The following PHIP variants were observed in gnomAD, a reference collection of about 807,000 sequenced individuals.
PHIP encodes PH-interacting protein.
In PHIP, 54 loss-of-function variants were observed where a neutral mutation model predicts 236.8. The observed-to-expected ratio is 0.23, with a 90% CI of 0.18 to 0.29. The LOEUF (loss-of-function observed/expected upper bound fraction) is 0.29. Ranked by LOEUF, PHIP falls within the 10% of genes least tolerant of loss-of-function variation. The pLI is 1.00. For synonymous variants in PHIP, 756 were observed against 718.9 expected (o/e 1.05, Z -0.83); for missense variants, 1,370 against 2,190.8 (o/e 0.63, Z 7.48).
At chr6:79,077,575 GCCCCGCGCCCCGGCGGGGA>G (rs1464294031) in intron 3 of PHIP, 68 bp from the exon 4 acceptor site, 11 of 625,340 alleles carry the variant, frequency 1.8e-5, no homozygotes, top group Admixed American at 1.1e-4. Flanking sequence ...TCCCCCGCCC[GCCCCGCGCCCCGGCGGGGA>G]CCCCGAGCCC....
At chr6:78,975,822 G>A (rs1768012929) in intron 24 of PHIP, among the ~76,000 whole-genome samples, 1 of 149,984 alleles carries the variant, frequency 6.7e-6, no homozygotes, top group Admixed American at 6.6e-5. Flanking sequence ...TACAAGGGAT[G>A]TGAAGGACCT....
At chr6:78,945,531 G>C (rs1324667512) in intron 38 of PHIP, 34 bp from the exon 39 acceptor site, 1 of 1,316,970 alleles carries the variant, frequency 7.6e-7, no homozygotes, top group Non-Finnish European at 1.1e-6. Flanking sequence ...AAAATTAAGA[G>C]TTATTGAACC....
At chr6:79,039,653 T>C (rs775753732) in intron 7 of PHIP, among the ~76,000 whole-genome samples, 2 of 152,168 alleles carry the variant, frequency 1.3e-5, no homozygotes, top group Non-Finnish European at 2.9e-5. Context: ...TTCTTTATTA[T>C]ACCATATTAA....
intron 32 of PHIP, chr6:78,958,264 A>T (rs1159149629): frequency 2.6e-6 from 1 of 390,788 alleles, no homozygotes; most frequent in Non-Finnish European, 4.6e-6. Flanking sequence ...TTATGATTTC[A>T]TTCTTATTAT....
At chr6:78,996,138 GTAAAT>G (rs1163512891) in intron 19 of PHIP, among the ~76,000 whole-genome samples, 1 of 152,166 alleles carries the variant, frequency 6.6e-6, no homozygotes, top group East Asian at 1.9e-4. Context: ...CAGAGGAGGA[GTAAAT>G]TAGTCAACTG....
intron 7 of PHIP, among the ~76,000 whole-genome samples, chr6:79,036,830 AG>A (rs1294071611): frequency 6.7e-6 from 1 of 149,656 alleles, no homozygotes; most frequent in African/African-American, 2.5e-5. Context: ...CTGAGGCAGA[AG>A]AATGGCATGA....
chr6:78,970,745 T>C (rs376464227), intron 25 of PHIP, 36 bp downstream of exon 25: 101 of 1,311,460 alleles, frequency 7.7e-5, no homozygotes, highest in Admixed American at 2.4e-4. Context: ...CATAATTGTA[T>C]TTTTGGGGCT....
At chr6:79,010,312 T>G (rs1770512697) in intron 15 of PHIP, among the ~76,000 whole-genome samples, 2 of 151,840 alleles carry the variant, frequency 1.3e-5, no homozygotes, top group Non-Finnish European at 1.5e-5. Context: ...ACAAAAATTC[T>G]GGGTGGTAGA....
rs1773319506 is a variant in PHIP at position 78,937,494 on chromosome 6, T to C, written c.*3199A>G. On this transcript the variant is annotated 3_prime_UTR_variant, in exon 40 of 40. Transcript: ENST00000275034. ...AAAGATATTTTCTCTGATTACTGTA[T>C]CTTATGTAATTCATTTCCAAGTGAT... 6.6e-6 allele frequency: 1 copy of C among 151,742 alleles called. No individual in the cohort carries two copies. Among genetic ancestry groups the C allele is most frequent in the Non-Finnish European group, 1.5e-5 (1 of 67,674 alleles). 9.4% of individuals were successfully genotyped at this position (151,742 alleles called of 1,614,324 possible).
intron 35 of PHIP, among the ~76,000 whole-genome samples, chr6:78,952,264 T>C (rs1774202303): frequency 6.6e-6 from 1 of 151,474 alleles, no homozygotes; most frequent in Admixed American, 6.6e-5. Flanking sequence ...ACTAAAAATA[T>C]ACAAATTAGT....
At chr6:79,071,659 C>A (rs1487516112) in intron 4 of PHIP, among the ~76,000 whole-genome samples, 1 of 152,032 alleles carries the variant, frequency 6.6e-6, no homozygotes, top group African/African-American at 2.4e-5. Context: ...TATTCTCTGG[C>A]AACTAAAGGC....
At position 78,954,939 on chromosome 6, in the gene PHIP, G is replaced by C; in HGVS notation, c.3928C>G (p.Arg1310Gly). Residue 1310 changes from arginine to glycine, a missense_variant, in exon 35 of 40, where the codon CGT becomes GGT. By Grantham distance (125) the Arg-to-Gly change is moderately radical (BLOSUM62 -2). This residue lies in a region of PHIP where 125 missense variants were observed against 235.1 expected (regional missense o/e 0.53). Transcript: ENST00000275034. The part of the protein sequence containing the change: ...RKDHQPRRRL[R>G]NRAQSYDIQA... ...ATATCGTAAGACTGGGCTCTATTACGTAATCTTCTTCTAGGCTGATGGTCC... is the reference window on the plus strand; with the variant it reads ...ATATCGTAAGACTGGGCTCTATTACCTAATCTTCTTCTAGGCTGATGGTCC... 1 of 1,569,930 alleles carries C rather than the reference G, an allele frequency of 6.4e-7. No individual in the cohort carries two copies.
At chr6:79,042,209 C>T (rs573791643) in intron 7 of PHIP, among the ~76,000 whole-genome samples, 1 of 152,070 alleles carries the variant, frequency 6.6e-6, no homozygotes, top group South Asian at 2.1e-4. Flanking sequence ...AATTTTCTCA[C>T]TTAAAATAAA....
chr6:78,983,213 G>C, intron 22 of PHIP, 96 bp from the exon 23 acceptor site: 1 of 614,934 alleles, frequency 1.6e-6, no homozygotes, highest in Admixed American at 3.1e-5. Context: ...AAAGAGAAAT[G>C]ACAGAACAAA....
chr6:78,973,796 TA>T (rs1447390535), intron 24 of PHIP, among the ~76,000 whole-genome samples: 1 of 151,466 alleles, frequency 6.6e-6, no homozygotes, highest in Non-Finnish European at 1.5e-5. Context: ...TACATAATGG[TA>T]AAGGGGTCAA....
chr6:78,945,369 G>A lies in PHIP; in HGVS notation c.4759C>T (p.Arg1587Cys), dbSNP rs764056825. 13 of 1,613,618 alleles carry A rather than the reference G, an allele frequency of 8.1e-6. No homozygotes were observed. Among genetic ancestry groups the A allele is most frequent in the South Asian group, 4.4e-5 (4 of 91,060 alleles). ...ENMEKEKPVK[R>C]KMKSSVLPKA... ...GGGAGTACAGATGACTTCATTTTAC[G>A]TTTGACTGGCTTTTCCTTTTCCATG... The change falls in exon 39 of 40, where the codon CGT (arginine) becomes TGT (cysteine). Residue 1587 changes from arginine (R) to cysteine (C), a missense_variant. This residue lies in a region of PHIP where 309 missense variants were observed against 328.3 expected (regional missense o/e 0.94). Coordinates refer to ENST00000275034, the MANE Select transcript of PHIP (RefSeq NM_017934.7).
At chr6:78,973,473 T>C (rs9341756) in intron 24 of PHIP, among the ~76,000 whole-genome samples, 87,940 of 95,718 alleles carry the variant, frequency 0.92, 40,498 homozygotes, top group East Asian at 1. Context: ...CATCAACTAA[T>C]GAGCAAAATA....
chr6:79,059,689 A>C (rs1342061415), intron 6 of PHIP, among the ~76,000 whole-genome samples: 1 of 149,724 alleles, frequency 6.7e-6, no homozygotes, highest in African/African-American at 2.5e-5. Context: ...AAAAGGAAGA[A>C]TTAAGTAAGA....
intron 21 of PHIP, among the ~76,000 whole-genome samples, chr6:78,986,096 T>C (rs1310710545): frequency 1.3e-5 from 2 of 152,182 alleles, no homozygotes; most frequent in Non-Finnish European, 2.9e-5. Flanking sequence ...CTTTCTCTTC[T>C]ATAGGTGCTT....
Sources: gnomAD v4.1 joint callset for allele counts (sites outside exome capture counted in the v4.1 genomes callset) on GRCh38, gnomAD v4.1.1 for gene constraint, gnomAD v4.1.1 regional missense constraint, MANE v1.5 for transcripts, NCBI Gene and HGNC (gene_info 2026-07-23, HGNC 2026-07-21) for gene names.